Variants in TYW1B observed in about 807,000 individuals in gnomAD.
TYW1B encodes S-adenosyl-L-methionine-dependent tRNA 4-demethylwyosine synthase TYW1B.
Under a neutral mutation model 86.9 loss-of-function variants are expected in TYW1B, and 73 were observed. The observed-to-expected ratio is 0.84, with a 90% CI of 0.70 to 1.02. The LOEUF is 1.02. TYW1B is among the 50% of genes least tolerant of loss of function. The pLI, the probability that TYW1B is intolerant of heterozygous loss-of-function variation, is 0.00. For missense variants in TYW1B, 637 were observed against 827.4 expected (o/e 0.77, Z 2.82); for synonymous variants, 248 against 292.8 (o/e 0.85, Z 1.56).
intron 10 of TYW1B, among the ~76,000 whole-genome samples, chr7:72,703,990 T>C (rs1814553667): frequency 6.6e-6 from 1 of 152,222 alleles, no homozygotes; most frequent in Admixed American, 6.5e-5. Context: ...CTACTAATTT[T>C]ATCAGTTTGA....
At position 72,710,857 on chromosome 7, in the gene TYW1B, T is replaced by A. The variant is rs114895042; in HGVS notation, c.1370+2764A>T. 4.0e-3 allele frequency among the ~76,000 whole-genome samples: 612 copies of A among 152,340 alleles called. 3 individuals carry two copies. Among genetic ancestry groups the A allele is most frequent in the African/African-American group, 0.014 (581 of 41,586 alleles). Reference sequence around the variant, plus strand: ...AGCTGACTCTGTGTGTGCGAATGTATGTGATCAATCTTTCTAGAAATAACC... The same window carrying A: ...AGCTGACTCTGTGTGTGCGAATGTAAGTGATCAATCTTTCTAGAAATAACC... On this transcript the variant is annotated intron_variant, in intron 10 of 13. Transcript: ENST00000620995.
At chr7:72,772,057 C>T (rs1183510597) in intron 7 of TYW1B, among the ~76,000 whole-genome samples, 1 of 151,766 alleles carries the variant, frequency 6.6e-6, no homozygotes, top group Non-Finnish European at 1.5e-5. Context: ...CCATGTTGGC[C>T]AGGCTGGTCT....
intron 10 of TYW1B, among the ~76,000 whole-genome samples, chr7:72,699,061 C>T (rs571067932): frequency 3.9e-4 from 60 of 152,220 alleles, no homozygotes; most frequent in African/African-American, 1.4e-3. Context: ...AGTCCCACCA[C>T]GCAGCGCCAT....
intron 4 of TYW1B, among the ~76,000 whole-genome samples, chr7:72,807,814 T>C (rs1788526238): frequency 6.6e-6 from 1 of 152,220 alleles, no homozygotes; most frequent in Admixed American, 6.6e-5. Context: ...TTCACTGTGA[T>C]ATGAAGCAAT....
intron 11 of TYW1B, among the ~76,000 whole-genome samples, chr7:72,674,441 A>G (rs1554446970): frequency 6.6e-6 from 1 of 152,008 alleles, no homozygotes; most frequent in African/African-American, 2.4e-5. Flanking sequence ...TGTCTGATGC[A>G]GGGTGTCTTC....
At chr7:72,809,041 ATTTT>A (rs35685950) in intron 4 of TYW1B, among the ~76,000 whole-genome samples, 12 of 117,592 alleles carry the variant, frequency 1.0e-4, no homozygotes, top group South Asian at 7.9e-4. Flanking sequence ...AAAATTCATG[ATTTT>A]TTTTTTTTTT....
At chr7:72,709,443 C>T (rs1399146651) in intron 10 of TYW1B, among the ~76,000 whole-genome samples, 30 of 151,226 alleles carry the variant, frequency 2.0e-4, no homozygotes, top group South Asian at 6.3e-4. Flanking sequence ...CCAAGGCGGG[C>T]GGATCACAAG....
intron 11 of TYW1B, among the ~76,000 whole-genome samples, chr7:72,680,699 T>A (rs1332170210): frequency 6.6e-6 from 1 of 152,114 alleles, no homozygotes; most frequent in African/African-American, 2.4e-5. Flanking sequence ...AGAACCCTCA[T>A]TAATACAATA....
intron 5 of TYW1B, among the ~76,000 whole-genome samples, chr7:72,803,978 C>G (rs568549024): frequency 6.6e-6 from 1 of 151,998 alleles, no homozygotes; most frequent in Admixed American, 6.6e-5. Context: ...TTCTCAGTAA[C>G]TCAAGGGTCA....
intron 11 of TYW1B, among the ~76,000 whole-genome samples, chr7:72,649,575 C>G (rs1554442495): frequency 6.6e-6 from 1 of 152,162 alleles, no homozygotes. Flanking sequence ...CAAAATCTAT[C>G]CATCACTCCT....
At chr7:72,823,912 A>C (rs1464720953) in intron 2 of TYW1B, among the ~76,000 whole-genome samples, 3 of 152,106 alleles carry the variant, frequency 2.0e-5, no homozygotes, top group African/African-American at 7.2e-5. Flanking sequence ...CTTTCTGTAC[A>C]CCTGGATTTG....
intron 10 of TYW1B, among the ~76,000 whole-genome samples, chr7:72,713,266 A>G (rs1786708845): frequency 7.5e-6 from 1 of 133,394 alleles, no homozygotes. Context: ...ACGCCACTGC[A>G]CTCAAGCCGG....
chr7:72,584,155 C>T (rs1554430072), intron 13 of TYW1B, among the ~76,000 whole-genome samples: 1 of 152,180 alleles, frequency 6.6e-6, no homozygotes, highest in East Asian at 1.9e-4. Flanking sequence ...CAAGGATCCT[C>T]CCTCCTCAGT....
At chr7:72,643,504 T>C (rs1451545013) in intron 11 of TYW1B, among the ~76,000 whole-genome samples, 1 of 151,860 alleles carries the variant, frequency 6.6e-6, no homozygotes, top group East Asian at 1.9e-4. Context: ...GGAGAACCGC[T>C]TGAACCTGGG....
At chr7:72,614,606 C>T (rs1554436523) in intron 13 of TYW1B, among the ~76,000 whole-genome samples, 1 of 150,632 alleles carries the variant, frequency 6.6e-6, no homozygotes, top group African/African-American at 2.4e-5. Flanking sequence ...ACACTCCAGC[C>T]TGTGCAACAG....
At chr7:72,582,056 A>T (rs1441146204) in intron 13 of TYW1B, among the ~76,000 whole-genome samples, 1 of 149,674 alleles carries the variant, frequency 6.7e-6, no homozygotes, top group Non-Finnish European at 1.5e-5. Context: ...CGTGTGAGCC[A>T]CTGCACCTGG....
chr7:72,743,205 C>T (rs1394684403), intron 8 of TYW1B, among the ~76,000 whole-genome samples: 4 of 152,148 alleles, frequency 2.6e-5, no homozygotes, highest in Non-Finnish European at 4.4e-5. Flanking sequence ...AATGAAGCCA[C>T]GGAAATGGTT....
At chr7:72,696,322 T>C (rs1814320161) in intron 10 of TYW1B, among the ~76,000 whole-genome samples, 1 of 152,124 alleles carries the variant, frequency 6.6e-6, no homozygotes, top group Admixed American at 6.6e-5. Context: ...TTCAGTAAAT[T>C]TAGAACTAGA....
chr7:72,770,487 T>C (rs1366670602), intron 7 of TYW1B, among the ~76,000 whole-genome samples: 6 of 149,360 alleles, frequency 4.0e-5, no homozygotes, highest in African/African-American at 1.5e-4. Context: ...TTCACAACCA[T>C]TTCACAACCA....
Sources: gnomAD v4.1 joint callset for allele counts (sites outside exome capture counted in the v4.1 genomes callset) on GRCh38, gnomAD v4.1.1 for gene constraint, MANE v1.5 for transcripts, NCBI Gene and HGNC (gene_info 2026-07-23, HGNC 2026-07-21) for gene names.